IL31RA: variants seen among roughly 807,000 people sequenced by gnomAD.
IL31RA encodes interleukin-31 receptor subunit alpha.
In IL31RA, 66 loss-of-function variants were observed where a neutral mutation model predicts 83.7. The observed-to-expected ratio is 0.79, with a 90% CI of 0.65 to 0.97. The LOEUF (loss-of-function observed/expected upper bound fraction) is 0.97. Ranked by LOEUF, IL31RA falls within the 50% of genes least tolerant of loss-of-function variation. The pLI is 0.00. For missense variants in IL31RA, 798 were observed against 919.4 expected, an observed-to-expected ratio of 0.87 and a Z score of 1.71; for synonymous variants, 325 against 329.0, an observed-to-expected ratio of 0.99 and a Z score of 0.13.
At chr5:55,876,169 A>T (rs1200640271) in intron 4 of IL31RA, among the ~76,000 whole-genome samples, 3 of 152,202 alleles carry the variant, frequency 2.0e-5, no homozygotes, top group African/African-American at 7.2e-5. Context: ...GCACTTTGGG[A>T]GGCTGAGGCG....
chr5:55,900,030 C>T lies in IL31RA; in HGVS notation c.967C>T (p.Leu323=), dbSNP rs776444196. The T allele has an allele frequency of 6.8e-6, 11 of 1,613,970 alleles. No individual in the cohort carries two copies. The highest frequency in any genetic ancestry group is 4.0e-5 in the African/African-American group (3 of 74,942). ...GAACACTACTAACCAGCAGCTTGAA[C>T]TGCATCTGGGAGGCGAGAGCTTTTG... ...TMNTTNQQLE[L]HLGGESFWVS... The change falls in exon 8 of 15, where the codon CTG becomes TTG. Residue 323 remains leucine, a synonymous_variant. Transcript: ENST00000652347.
At chr5:55,873,860 TA>T (rs1370225596) in intron 4 of IL31RA, among the ~76,000 whole-genome samples, 2 of 152,116 alleles carry the variant, frequency 1.3e-5, no homozygotes, top group African/African-American at 4.8e-5. Context: ...TTTTACTTTT[TA>T]AATGGTTAAG....
Position 55,906,093 on chromosome 5 carries a change from T to C in IL31RA, c.1070-13T>C. On this transcript the variant is annotated splice_polypyrimidine_tract_variant and intron_variant, in intron 8 of 14. Coordinates refer to ENST00000652347, the MANE Select transcript of IL31RA (RefSeq NM_139017.7). ...TTGGGTAGCTGTGAAGCAGTCCTTT[T>C]CTCTCCTTTCAGCATTTCAGTGCAT... The C allele has an allele frequency of 6.2e-7, 1 of 1,613,172 alleles. No homozygotes were observed. The highest frequency in any genetic ancestry group is 1.1e-5 in the South Asian group (1 of 91,068).
chr5:55,860,982 C>T (rs559280632), intron 2 of IL31RA, among the ~76,000 whole-genome samples: 7 of 152,296 alleles, frequency 4.6e-5, no homozygotes, highest in South Asian at 2.1e-4. Flanking sequence ...ACCCTGGTGT[C>T]TCTCCTCCTC....
chr5:55,901,543 A>G (rs892663544), intron 8 of IL31RA, among the ~76,000 whole-genome samples: 3 of 151,824 alleles, frequency 2.0e-5, no homozygotes, highest in African/African-American at 4.8e-5. Flanking sequence ...AAATGAGATC[A>G]TGTATGTAAA....
chr5:55,867,115 GTGTGTGTT>G (rs1746116857), intron 2 of IL31RA, among the ~76,000 whole-genome samples: 2 of 111,670 alleles, frequency 1.8e-5, no homozygotes, highest in African/African-American at 8.2e-5. Context: ...GTGTGTGCAT[GTGTGTGTT>G]TGTGTGTGTG....
chr5:55,902,088 G>C (rs1043777573), intron 8 of IL31RA, among the ~76,000 whole-genome samples: 1 of 152,112 alleles, frequency 6.6e-6, no homozygotes, highest in African/African-American at 2.4e-5. Flanking sequence ...CCTAGATCAG[G>C]TATTGGCACA....
chr5:55,919,061 A>C lies in IL31RA; in HGVS notation c.*1941A>C, dbSNP rs1046276286. Among the ~76,000 whole-genome samples, 11 of 152,066 alleles carry C rather than the reference A, an allele frequency of 7.2e-5. No individual in the cohort carries two copies. The highest frequency in any genetic ancestry group is 2.7e-4 in the African/African-American group (11 of 41,376). On this transcript the variant is annotated 3_prime_UTR_variant, in exon 15 of 15. Transcript: ENST00000652347. ...CTTCTATGGTGTGGGCTCTTCTGTG[A>C]GCCCACTGTCCCCAGAGTTCCAGAT...
In IL31RA at chr5:55,919,311, A is replaced by G. The variant is rs1373782177; in HGVS notation, c.*2191A>G. ...CCAAACTTGTCTGTCTCACACCTGG[A>G]TGTAGATGAAGCTTCTGAACCTAAA... On this transcript the variant is annotated 3_prime_UTR_variant, in exon 15 of 15. Transcript: ENST00000652347. Among the ~76,000 whole-genome samples, 1 of 152,170 alleles carries G rather than the reference A, an allele frequency of 6.6e-6. No homozygotes were observed. The highest frequency in any genetic ancestry group is 1.5e-5 in the Non-Finnish European group (1 of 68,026).
In IL31RA at chr5:55,883,260, A is replaced by G. The variant is rs944116809; in HGVS notation, c.606+65A>G. 19 of 1,318,102 alleles carry G rather than the reference A, an allele frequency of 1.4e-5. No individual in the cohort carries two copies. The African/African-American group carries it at 1.8e-4, about 12-fold the overall frequency. 81.7% of individuals were successfully genotyped at this position (1,318,102 alleles called of 1,614,324 possible). On this transcript the variant is annotated intron_variant, in intron 5 of 14. Coordinates refer to ENST00000652347, the MANE Select transcript of IL31RA (RefSeq NM_139017.7). ...CAGAGGAAAAGAATCATTGACAACTATTGTTGACCTGGAATCATTATTTCA... is the reference window on the plus strand; with the variant it reads ...CAGAGGAAAAGAATCATTGACAACTGTTGTTGACCTGGAATCATTATTTCA...
chr5:55,874,992 T>G (rs1346717125), intron 4 of IL31RA, among the ~76,000 whole-genome samples: 1 of 152,176 alleles, frequency 6.6e-6, no homozygotes, highest in Non-Finnish European at 1.5e-5. Flanking sequence ...AAGTTTGATG[T>G]TAGTTTAGCT....
chr5:55,896,222 C>A, intron 6 of IL31RA, 128 bp from the exon 7 acceptor site: 1 of 737,040 alleles, frequency 1.4e-6, no homozygotes, highest in South Asian at 1.4e-5. Context: ...GCTGCCATCC[C>A]TCCACTCCTC....
chr5:55,904,759 G>C (rs973635747), intron 8 of IL31RA, among the ~76,000 whole-genome samples: 1 of 151,926 alleles, frequency 6.6e-6, no homozygotes, highest in African/African-American at 2.4e-5. Context: ...GGAATAGCAG[G>C]ATGCAGGACC....
intron 4 of IL31RA, among the ~76,000 whole-genome samples, chr5:55,882,831 A>G (rs530052876): frequency 6.6e-6 from 1 of 152,198 alleles, no homozygotes; most frequent in Non-Finnish European, 1.5e-5. Context: ...CTGAAAAATC[A>G]CAGGAATGCA....
intron 6 of IL31RA, among the ~76,000 whole-genome samples, chr5:55,892,109 AAC>A (rs2112482222): frequency 6.6e-6 from 1 of 152,250 alleles, no homozygotes; most frequent in East Asian, 1.9e-4. Context: ...TTTTCAGCCT[AAC>A]AGTAAATGAA....
Position 55,872,630 on chromosome 5 carries a change from G to A in IL31RA, c.454+179G>A, listed in dbSNP as rs555840669. Among the ~76,000 whole-genome samples the A allele has an allele frequency of 2.2e-3, 248 of 114,098 alleles. 3 individuals carry two copies. Among genetic ancestry groups the A allele is most frequent in the African/African-American group, 7.8e-3 (242 of 31,020 alleles). The allele number at this position is 114,098 out of a possible 152,430, so 74.9% of individuals were successfully genotyped here. A position where few individuals can be genotyped will look rare whatever the true frequency, so the allele number is the denominator to read the frequency against. ...GGAAGTGGGGGAAGGAGGGAAGGAA[G>A]GAAGGGAGGGAGGGAGGGAGGGATT... On this transcript the variant is annotated intron_variant, in intron 4 of 14. Coordinates refer to ENST00000652347, the MANE Select transcript of IL31RA (RefSeq NM_139017.7).
At chr5:55,913,335 T>C in intron 12 of IL31RA, 142 bp from the exon 13 acceptor site, 1 of 688,306 alleles carries the variant, frequency 1.5e-6, no homozygotes, top group South Asian at 1.7e-5. Context: ...GGGGTTTTTT[T>C]AGTGGAAAGA....
At chr5:55,859,958 T>C (rs903684526) in intron 2 of IL31RA, among the ~76,000 whole-genome samples, 8 of 152,210 alleles carry the variant, frequency 5.3e-5, no homozygotes, top group Non-Finnish European at 1.2e-4. Context: ...ACCCTATATA[T>C]AGTACATTTT....
chr5:55,899,869 T>G, intron 7 of IL31RA, 47 bp from the exon 8 acceptor site: 1 of 1,407,646 alleles, frequency 7.1e-7, no homozygotes, highest in Non-Finnish European at 1.0e-6. Flanking sequence ...TCAATGCCTT[T>G]CTTTTTCTTT....
Sources: gnomAD v4.1 joint callset for allele counts (sites outside exome capture counted in the v4.1 genomes callset) on GRCh38, gnomAD v4.1.1 for gene constraint, MANE v1.5 for transcripts, NCBI Gene and HGNC (gene_info 2026-07-23, HGNC 2026-07-21) for gene names.